NKAIN3: variants seen among roughly 807,000 people sequenced by gnomAD.
NKAIN3 encodes the protein sodium/potassium-transporting ATPase subunit beta-1-interacting protein 3.
A neutral mutation model predicts 30.2 loss-of-function variants in NKAIN3; 25 were observed. That is an observed-to-expected ratio of 0.83 (90% CI 0.60 to 1.16). The LOEUF (loss-of-function observed/expected upper bound fraction) is 1.16, where lower values mean the gene tolerates loss of function less well. Among genes scored for constraint, NKAIN3 ranks in the 50% most tolerant of loss-of-function variants. The pLI is 0.00. For missense variants in NKAIN3, 225 were observed against 254.1 expected (o/e 0.89, Z 0.78); for synonymous variants, 91 against 89.6 (o/e 1.02, Z -0.09).
chr8:62,929,317 TA>T (rs1284117317), intron 5 of NKAIN3, among the ~76,000 whole-genome samples: 2 of 152,226 alleles, frequency 1.3e-5, no homozygotes, highest in African/African-American at 4.8e-5. Context: ...GTGAAAAGGA[TA>T]AAAAGTATAC....
In NKAIN3 at chr8:62,982,050, A is replaced by G. The variant is rs1258180518; in HGVS notation, c.*16643A>G. ...ATTAAACACACTATCTCTACCTAAA[A>G]GAACAGAGATAGAAAACTCATATAA... On this transcript the variant is annotated 3_prime_UTR_variant, in exon 7 of 7. Coordinates refer to ENST00000623646, the MANE Select transcript of NKAIN3 (RefSeq NM_001304533.3). 6.6e-6 allele frequency: 1 copy of G among 152,178 alleles called. No homozygotes were observed. Among genetic ancestry groups the G allele is most frequent in the African/African-American group, 2.4e-5 (1 of 41,460 alleles). The allele number at this position is 152,178 out of a possible 1,614,324, so 9.4% of individuals were successfully genotyped here.
intron 1 of NKAIN3, among the ~76,000 whole-genome samples, chr8:62,453,531 G>C (rs1388534727): frequency 3.3e-5 from 5 of 152,008 alleles, no homozygotes; most frequent in African/African-American, 1.2e-4. Flanking sequence ...ATCAAAACTA[G>C]AGCTGAAGTG....
intron 4 of NKAIN3, among the ~76,000 whole-genome samples, chr8:62,830,136 A>G (rs1819149907): frequency 6.6e-6 from 1 of 152,190 alleles, no homozygotes; most frequent in Non-Finnish European, 1.5e-5. Flanking sequence ...AAGGGATCTA[A>G]GAGTCATGAT....
At chr8:62,377,135 C>T (rs1190586605) in intron 1 of NKAIN3, among the ~76,000 whole-genome samples, 7 of 151,982 alleles carry the variant, frequency 4.6e-5, no homozygotes, top group African/African-American at 1.2e-4. Context: ...CTGCCTAATT[C>T]GCATTTAATT....
In NKAIN3 at chr8:62,851,188, A is replaced by G. The variant is rs571771258; in HGVS notation, c.472-67265A>G. Among the ~76,000 whole-genome samples the G allele has an allele frequency of 2.2e-3, 337 of 152,044 alleles. 2 individuals carry two copies. The highest frequency in any genetic ancestry group is 7.1e-3 in the African/African-American group (295 of 41,464). ...GTCCTTCACATCCCTTGTAAGTTGG[A>G]TTGCTAGGTATTTTATTCTCTTTGA... is the stretch of plus-strand genomic sequence containing the variant. On this transcript the variant is annotated intron_variant, in intron 4 of 6. Transcript: ENST00000623646.
At chr8:62,798,682 A>G (rs949240144) in intron 4 of NKAIN3, among the ~76,000 whole-genome samples, 2 of 152,198 alleles carry the variant, frequency 1.3e-5, no homozygotes, top group Admixed American at 6.5e-5. Flanking sequence ...GACCCTTTTC[A>G]CCTTGATCTC....
chr8:62,933,278 A>T (rs1053807256), intron 5 of NKAIN3, among the ~76,000 whole-genome samples: 1 of 152,192 alleles, frequency 6.6e-6, no homozygotes, highest in Non-Finnish European at 1.5e-5. Flanking sequence ...TAGGAGCTAT[A>T]AAAAAAGAAA....
chr8:62,288,489 G>A (rs559140349), intron 1 of NKAIN3, among the ~76,000 whole-genome samples: 2 of 152,222 alleles, frequency 1.3e-5, no homozygotes, highest in South Asian at 4.2e-4. Context: ...AGAACACGTG[G>A]TGTTTGGTTT....
At position 62,855,688 on chromosome 8, in the gene NKAIN3, A is replaced by T. The variant is rs1006909635; in HGVS notation, c.472-62765A>T. On this transcript the variant is annotated intron_variant, in intron 4 of 6. Coordinates refer to ENST00000623646, the MANE Select transcript of NKAIN3 (RefSeq NM_001304533.3). ...GCAGCCCAGGGTTCTCAAAGCTGTC[A>T]CTTCTGCATGTGAAGCGGAGCTTCT... 6.2e-6 allele frequency: 10 copies of T among 1,601,654 alleles called. No individual in the cohort carries two copies. The African/African-American group carries it at 1.3e-4, about 21-fold the overall frequency.
chr8:62,796,374 ACT>A (rs1425784302), intron 4 of NKAIN3, among the ~76,000 whole-genome samples: 4 of 109,038 alleles, frequency 3.7e-5, no homozygotes, highest in African/African-American at 1.4e-4. Flanking sequence ...ACAAAGTGAG[ACT>A]CTGTCTCAAA....
At chr8:62,373,759 CAA>C (rs1454328110) in intron 1 of NKAIN3, among the ~76,000 whole-genome samples, 1 of 152,188 alleles carries the variant, frequency 6.6e-6, no homozygotes, top group Non-Finnish European at 1.5e-5. Flanking sequence ...TTTATTATCA[CAA>C]ATGTGTGCAC....
chr8:62,874,004 T>C (rs1820721515), intron 4 of NKAIN3, among the ~76,000 whole-genome samples: 1 of 145,866 alleles, frequency 6.9e-6, no homozygotes, highest in African/African-American at 2.5e-5. Flanking sequence ...TTGAAGGAGA[T>C]AGAGACATGA....
chr8:62,831,731 A>C lies in NKAIN3; in HGVS notation c.471+84602A>C, dbSNP rs543096455. On this transcript the variant is annotated intron_variant, in intron 4 of 6. Transcript: ENST00000623646. ...CTTCAAGAAATATGGGATTATGTAA[A>C]GTGACCAAATCTATGAATTATTAGA... 1.1e-4 allele frequency among the ~76,000 whole-genome samples: 17 copies of C among 152,308 alleles called. No individual in the cohort carries two copies. In the East Asian group the frequency reaches 3.3e-3, roughly 29 times the overall value.
chr8:62,988,271 C>T (rs1444654862), downstream of NKAIN3, among the ~76,000 whole-genome samples: 1 of 152,180 alleles, frequency 6.6e-6, no homozygotes, highest in Admixed American at 6.5e-5. Flanking sequence ...ATTCTGGGGT[C>T]TGAAGGATGG....
At chr8:62,406,806 A>C (rs1202311530) in intron 1 of NKAIN3, among the ~76,000 whole-genome samples, 1 of 152,160 alleles carries the variant, frequency 6.6e-6, no homozygotes, top group Non-Finnish European at 1.5e-5. Context: ...ATTTTTCTCA[A>C]ATTCTTATGT....
intron 1 of NKAIN3, among the ~76,000 whole-genome samples, chr8:62,399,971 G>A (rs372602806): frequency 1.3e-5 from 2 of 152,126 alleles, no homozygotes; most frequent in East Asian, 3.9e-4. Flanking sequence ...GAGAGGGACA[G>A]TATATAAGAC....
intron 3 of NKAIN3, among the ~76,000 whole-genome samples, chr8:62,667,343 T>TGTATATATATATAAATATATATA (rs1333151716): frequency 1.3e-5 from 1 of 77,214 alleles, no homozygotes; most frequent in African/African-American, 7.4e-5. Context: ...TATATATATA[T>TGTATATATATATAAATATATATA]TCTTTATATA....
intron 1 of NKAIN3, among the ~76,000 whole-genome samples, chr8:62,455,281 T>C (rs953869970): frequency 1.3e-5 from 2 of 152,120 alleles, no homozygotes. Context: ...CACACATCAG[T>C]GGTGGATTGG....
In NKAIN3 at chr8:62,352,244, G is replaced by A. The variant is rs570359891; in HGVS notation, c.54+103117G>A. Among the ~76,000 whole-genome samples, 11 of 152,278 alleles carry A rather than the reference G, an allele frequency of 7.2e-5. No individual in the cohort carries two copies. The East Asian group carries it at 2.1e-3, about 29-fold the overall frequency. ...CGACCTGACTCCTTCCCATTGCTGA[G>A]CTTCAGCTCAGGCTTAGCCCTCCTC... On this transcript the variant is annotated intron_variant, in intron 1 of 6. Coordinates refer to ENST00000623646, the MANE Select transcript of NKAIN3 (RefSeq NM_001304533.3).
Sources: gnomAD v4.1 joint callset for allele counts (sites outside exome capture counted in the v4.1 genomes callset) on GRCh38, gnomAD v4.1.1 for gene constraint, MANE v1.5 for transcripts, NCBI Gene and HGNC (gene_info 2026-07-23, HGNC 2026-07-21) for gene names.